The following PTPRD variants were observed in gnomAD, a reference collection of about 807,000 sequenced individuals.
PTPRD encodes protein tyrosine phosphatase receptor type D, also known as receptor-type tyrosine-protein phosphatase delta.
In PTPRD, 34 loss-of-function variants were observed where a neutral mutation model predicts 214.5. The observed-to-expected ratio is 0.16, with a 90% CI of 0.12 to 0.21. The LOEUF (loss-of-function observed/expected upper bound fraction) is 0.21, where lower values mean the gene tolerates loss of function less well. PTPRD is among the 10% of genes least tolerant of loss of function. PTPRD has a pLI of 1.00. For missense variants in PTPRD, 2,545 were observed against 2,398.7 expected (o/e 1.06, Z -1.27); for synonymous variants, 1,128 against 845.7 (o/e 1.33, Z -5.79).
At chr9:8,581,515 G>A (rs536805787) in intron 14 of PTPRD, among the ~76,000 whole-genome samples, 22 of 152,214 alleles carry the variant, frequency 1.4e-4, no homozygotes, top group African/African-American at 5.3e-4. Context: ...TTGGGAGGCC[G>A]AGGTGGGCGG....
chr9:8,916,493 G>C (rs1026731453), intron 11 of PTPRD, among the ~76,000 whole-genome samples: 1 of 152,128 alleles, frequency 6.6e-6, no homozygotes, highest in Non-Finnish European at 1.5e-5. Context: ...TATGGAATAG[G>C]TGGAAGAGTA....
intron 11 of PTPRD, among the ~76,000 whole-genome samples, chr9:8,972,092 C>A (rs1307643165): frequency 6.6e-6 from 1 of 151,736 alleles, no homozygotes; most frequent in Non-Finnish European, 1.5e-5. Context: ...AGAACTCAAT[C>A]CAGGAGACAG....
chr9:10,358,395 C>T (rs558348374), intron 2 of PTPRD, among the ~76,000 whole-genome samples: 29 of 152,034 alleles, frequency 1.9e-4, no homozygotes, highest in African/African-American at 7.0e-4. Flanking sequence ...CTGAATTTTA[C>T]ATCTTATAGG....
intron 14 of PTPRD, among the ~76,000 whole-genome samples, chr9:8,610,318 A>G (rs533788929): frequency 1.3e-5 from 2 of 152,304 alleles, no homozygotes; most frequent in South Asian, 2.1e-4. Flanking sequence ...TAAATACTCA[A>G]TAAATGGTGG....
chr9:8,621,548 G>C (rs75503037), intron 14 of PTPRD, among the ~76,000 whole-genome samples: 99 of 151,964 alleles, frequency 6.5e-4, no homozygotes, highest in Non-Finnish European at 1.3e-3. Flanking sequence ...CTAGGTTTAT[G>C]GCAAATCCTT....
intron 11 of PTPRD, among the ~76,000 whole-genome samples, chr9:8,946,921 G>A (rs1322053846): frequency 6.7e-6 from 1 of 148,972 alleles, no homozygotes. Flanking sequence ...CTCTAACTGT[G>A]TCTCTTTATT....
chr9:8,531,858 T>C (rs10815904), intron 14 of PTPRD, among the ~76,000 whole-genome samples: 12,766 of 152,118 alleles, frequency 0.084, 781 homozygotes, highest in East Asian at 0.28. Context: ...AATAACCGTT[T>C]ATAAGAAATA....
chr9:9,067,829 T>C (rs966634837), intron 10 of PTPRD, among the ~76,000 whole-genome samples: 5 of 152,224 alleles, frequency 3.3e-5, no homozygotes, highest in Non-Finnish European at 5.9e-5. Context: ...GTATTTGTAC[T>C]TGTGTCTGTG....
intron 8 of PTPRD, among the ~76,000 whole-genome samples, chr9:9,482,510 ACT>A (rs1265577219): frequency 6.6e-6 from 1 of 152,198 alleles, no homozygotes; most frequent in East Asian, 1.9e-4. Flanking sequence ...TTGTCCAGAT[ACT>A]TGAGAAGAGG....
intron 11 of PTPRD, among the ~76,000 whole-genome samples, 165 bp downstream of exon 11, chr9:9,018,532 A>C (rs1350257551): frequency 6.6e-6 from 1 of 152,162 alleles, no homozygotes; most frequent in Non-Finnish European, 1.5e-5. Flanking sequence ...TTAAGACTCC[A>C]AATAATTTGA....
At chr9:9,114,281 G>T (rs182661539) in intron 10 of PTPRD, among the ~76,000 whole-genome samples, 2 of 152,152 alleles carry the variant, frequency 1.3e-5, no homozygotes, top group Non-Finnish European at 1.5e-5. Flanking sequence ...GGGCACTTAT[G>T]TCTGTGTATG....
chr9:10,135,443 C>G (rs964252153), intron 3 of PTPRD, among the ~76,000 whole-genome samples: 4 of 151,806 alleles, frequency 2.6e-5, no homozygotes, highest in Non-Finnish European at 4.4e-5. Context: ...TCGCCAAGGT[C>G]AATGTGATAG....
In PTPRD at chr9:9,233,115, T is replaced by C. The variant is rs933581514; in HGVS notation, c.-202-49752A>G. On this transcript the variant is annotated intron_variant, in intron 9 of 45. Coordinates refer to ENST00000381196, the MANE Select transcript of PTPRD (RefSeq NM_002839.4). ...TTGTTCCCATGCTGCTATGAAGAAATACCAGAGACTGGGTAATTTATAAAG... is the reference window on the plus strand; with the variant it reads ...TTGTTCCCATGCTGCTATGAAGAAACACCAGAGACTGGGTAATTTATAAAG... Among the ~76,000 whole-genome samples the C allele has an allele frequency of 6.6e-5, 10 of 152,190 alleles. No homozygotes were observed. In the Middle Eastern group the frequency reaches 0.01, roughly 155 times the overall value.
intron 4 of PTPRD, among the ~76,000 whole-genome samples, chr9:9,939,364 G>C (rs149846228): frequency 6.6e-6 from 1 of 152,156 alleles, no homozygotes; most frequent in African/African-American, 2.4e-5. Flanking sequence ...CTCTAAAAAT[G>C]CAAGAGATGC....
At chr9:10,512,724 G>C (rs2048718271) in intron 2 of PTPRD, among the ~76,000 whole-genome samples, 1 of 151,936 alleles carries the variant, frequency 6.6e-6, no homozygotes, top group Non-Finnish European at 1.5e-5. Flanking sequence ...TGAGGTTTTG[G>C]AGAAAAATAC....
At chr9:9,972,553 TACCA>T (rs1012048537) in intron 4 of PTPRD, among the ~76,000 whole-genome samples, 1 of 152,212 alleles carries the variant, frequency 6.6e-6, no homozygotes, top group Non-Finnish European at 1.5e-5. Flanking sequence ...TTCTTATTGC[TACCA>T]TAATACATTA....
At chr9:9,632,917 A>C (rs2095637722) in intron 7 of PTPRD, among the ~76,000 whole-genome samples, 1 of 152,192 alleles carries the variant, frequency 6.6e-6, no homozygotes, top group Non-Finnish European at 1.5e-5. Flanking sequence ...TTCATGGAGA[A>C]GGAATAGTAA....
intron 4 of PTPRD, among the ~76,000 whole-genome samples, chr9:9,999,007 G>A (rs141685209): frequency 6.6e-6 from 1 of 152,144 alleles, no homozygotes; most frequent in Admixed American, 6.5e-5. Context: ...AAACAGATGA[G>A]GTAGCCAAAG....
rs140807084 is a variant in PTPRD, at chr9:10,339,949, T to C, written c.-545+1014A>G. Among the ~76,000 whole-genome samples the C allele has an allele frequency of 1.3e-4, 19 of 151,944 alleles. No homozygotes were observed. The East Asian group carries it at 2.7e-3, about 22-fold the overall frequency. On this transcript the variant is annotated intron_variant, in intron 3 of 45. Coordinates refer to ENST00000381196, the MANE Select transcript of PTPRD (RefSeq NM_002839.4). ...GAAATAACACCTTATTCTTCATAACTATATTCTTTGATTTAGCATATGCCA... is the reference window on the plus strand; with the variant it reads ...GAAATAACACCTTATTCTTCATAACCATATTCTTTGATTTAGCATATGCCA...
Sources: allele counts gnomAD v4.1 joint callset (sites outside exome capture counted in the v4.1 genomes callset), GRCh38; gene constraint gnomAD v4.1.1; transcripts MANE v1.5; gene names NCBI Gene and HGNC (gene_info 2026-07-23, HGNC 2026-07-21).